XPC: variants seen among roughly 807,000 people sequenced by gnomAD.
XPC encodes the protein XPC complex subunit, DNA damage recognition and repair factor.
In XPC, 76 loss-of-function variants were observed where a neutral mutation model predicts 95.8. That is an observed-to-expected ratio of 0.79 (90% CI 0.66 to 0.96). XPC has a LOEUF of 0.96. Ranked by LOEUF, XPC falls within the 40% of genes least tolerant of loss-of-function variation. The probability of loss-of-function intolerance (pLI) is 0.00; values close to 1 mark genes in which losing one functional copy is unlikely to be tolerated. For synonymous variants in XPC, 442 were observed against 442.1 expected (o/e 1.00, Z 0.00); for missense variants, 1,146 against 1,179.8 (o/e 0.97, Z 0.42).
chr3:14,166,394 C>T (rs1401418118), intron 5 of XPC, among the ~76,000 whole-genome samples: 5 of 152,114 alleles, frequency 3.3e-5, no homozygotes, highest in Admixed American at 2.0e-4. Flanking sequence ...AACCTCGTCA[C>T]CATCCTTGCA....
In XPC at chr3:14,148,843, ACTC is replaced by A. The variant is rs776958968; in HGVS notation, c.2218_2220del (p.Glu740del). The A allele has an allele frequency of 1.9e-6, 3 of 1,613,600 alleles. No homozygotes were observed. The East Asian group carries it at 6.7e-5, about 36-fold the overall frequency. On this transcript the variant is annotated inframe_deletion, in exon 12 of 16. Coordinates refer to ENST00000285021, the MANE Select transcript of XPC (RefSeq NM_004628.5). ...CCGTCCACGGCCACTGGGGGCTGAT[ACTC>A]CTCTGTCTGCCAGTAGCCAAACAGG...
intron 15 of XPC, among the ~76,000 whole-genome samples, chr3:14,146,769 C>T (rs192751703): frequency 2.6e-5 from 4 of 152,352 alleles, no homozygotes; most frequent in African/African-American, 9.6e-5. Context: ...TCTGCTGTGT[C>T]TGACACAGCA....
At chr3:14,156,668 C>T (rs1695924370) in intron 9 of XPC, among the ~76,000 whole-genome samples, 173 bp from the exon 10 acceptor site, 1 of 152,202 alleles carries the variant, frequency 6.6e-6, no homozygotes, top group Non-Finnish European at 1.5e-5. Context: ...AAGTCAGTTA[C>T]AGATCAATCA....
chr3:14,174,003 C>T (rs1450396063), intron 1 of XPC, among the ~76,000 whole-genome samples: 2 of 152,026 alleles, frequency 1.3e-5, no homozygotes, highest in African/African-American at 4.8e-5. Context: ...CTTGCTGACT[C>T]TCTGGATGGG....
intron 1 of XPC, among the ~76,000 whole-genome samples, chr3:14,176,518 C>T (rs1258634663): frequency 6.6e-6 from 1 of 152,208 alleles, no homozygotes; most frequent in East Asian, 1.9e-4. Flanking sequence ...ATATGTTTAT[C>T]TCTCATGTCA....
rs1456384311 is a variant in XPC, at chr3:14,145,499, G to C, written c.*442C>G. The C allele has an allele frequency of 1.4e-6, 1 of 698,216 alleles. No homozygotes were observed. The highest frequency in any genetic ancestry group is 2.6e-6 in the Non-Finnish European group (1 of 383,122). The allele number at this position is 698,216 out of a possible 1,614,324, so 43.3% of individuals were successfully genotyped here. On this transcript the variant is annotated 3_prime_UTR_variant, in exon 16 of 16. Transcript: ENST00000285021. Reference sequence around the variant, plus strand: ...AAATGGTCCTAGGTCCGCAACCGAGGCGAGTGAACTTGTCGGACAGATGAA... The same window carrying C: ...AAATGGTCCTAGGTCCGCAACCGAGCCGAGTGAACTTGTCGGACAGATGAA...
intron 4 of XPC, 80 bp from the exon 5 acceptor site, chr3:14,167,333 T>C: frequency 8.0e-7 from 1 of 1,251,352 alleles, no homozygotes; most frequent in South Asian, 1.4e-5. Context: ...TTCCTTCTCC[T>C]CGGATGACAG....
chr3:14,146,181 G>A (rs1367052429), intron 15 of XPC, 22 bp from the exon 16 acceptor site: 1 of 1,588,140 alleles, frequency 6.3e-7, no homozygotes, highest in East Asian at 2.3e-5. Context: ...GCAGTGGTGG[G>A]AGGACACAGG....
intron 4 of XPC, 42 bp from the exon 5 acceptor site, chr3:14,167,295 T>G (rs775821286): frequency 1.2e-5 from 19 of 1,554,120 alleles, no homozygotes; most frequent in Non-Finnish European, 1.6e-5. Flanking sequence ...AGGGGGGAAC[T>G]GAAACCAGAC....
chr3:14,165,674 G>A, intron 5 of XPC, 89 bp from the exon 6 acceptor site: 1 of 1,478,148 alleles, frequency 6.8e-7, no homozygotes, highest in South Asian at 1.2e-5. Context: ...ACATGCTGTG[G>A]ACAAGAAATA....
In XPC at chr3:14,178,525, T is replaced by TCG. The variant is rs2125053499; in HGVS notation, c.42_43dup (p.Glu15AlafsTer65). ...GGCCTTGGATTTCTGGCTGCGCAGT[T>TCG]CGCGTCCCCGCGGCTCCCCGCCGGC... On this transcript the variant is annotated frameshift_variant, in exon 1 of 16. Transcript: ENST00000285021. LOFTEE classifies it high-confidence loss of function. The TCG allele has an allele frequency of 6.2e-7, 1 of 1,612,934 alleles. No individual in the cohort carries two copies. The highest frequency in any genetic ancestry group is 8.5e-7 in the Non-Finnish European group (1 of 1,179,568).
rs374890557 is a variant in XPC, at chr3:14,165,588, G to C, written c.622-3C>G. ...GCTAGCAGGCAGAGAAGGTGAACCT[G>C]TGAAGAGGAAAGGAGGAAGGGGCAG... On this transcript the variant is annotated splice_region_variant and splice_polypyrimidine_tract_variant and intron_variant, in intron 5 of 15. Transcript: ENST00000285021. 3 of 1,613,128 alleles carry C rather than the reference G, an allele frequency of 1.9e-6. No homozygotes were observed. Among genetic ancestry groups the C allele is most frequent in the African/African-American group, 1.3e-5 (1 of 74,912 alleles).
intron 11 of XPC, among the ~76,000 whole-genome samples, chr3:14,150,159 T>G (rs1441111024): frequency 1.3e-5 from 2 of 152,224 alleles, no homozygotes; most frequent in Non-Finnish European, 2.9e-5. Context: ...GGCCAAGATC[T>G]TCCCTGGGGA....
At chr3:14,148,778 C>T (rs766354973) in intron 12 of XPC, 36 bp downstream of exon 12, 4 of 1,613,328 alleles carry the variant, frequency 2.5e-6, no homozygotes, top group African/African-American at 1.3e-5. Flanking sequence ...GGGAACAAGG[C>T]GGCCTGGTCC....
chr3:14,172,838 C>T (rs1247187233), intron 2 of XPC, 29 bp downstream of exon 2: 1 of 1,597,440 alleles, frequency 6.3e-7, no homozygotes, highest in Admixed American at 1.7e-5. Flanking sequence ...AAAATCAAGA[C>T]CCGAGACAAA....
chr3:14,168,505 C>T, intron 3 of XPC, 125 bp from the exon 4 acceptor site: 1 of 1,190,962 alleles, frequency 8.4e-7, no homozygotes, highest in East Asian at 2.6e-5. Context: ...AGACAGCCCA[C>T]AGAGACCCCT....
At chr3:14,147,591 C>T (rs1695492210) in intron 14 of XPC, 2 of 615,062 alleles carry the variant, frequency 3.3e-6, no homozygotes, top group South Asian at 2.1e-5. Context: ...ACTTTTTAAT[C>T]GTTACTGACT....
At position 14,178,577 on chromosome 3, in the gene XPC, T is replaced by C. The variant is rs374118292; in HGVS notation, c.-9A>G. 8.1e-6 allele frequency: 13 copies of C among 1,612,580 alleles called. No individual in the cohort carries two copies. Among genetic ancestry groups the C allele is most frequent in the East Asian group, 4.5e-5 (2 of 44,866 alleles). On this transcript the variant is annotated 5_prime_UTR_variant, in exon 1 of 16. Transcript: ENST00000285021. ...GCGCGTTTCCGAGCCATGTTGCTTG[T>C]CTGGGCAAATTCCACTTCGCGAGTG...
chr3:14,156,005 A>T (rs1480916870), intron 10 of XPC, among the ~76,000 whole-genome samples: 1 of 152,130 alleles, frequency 6.6e-6, no homozygotes, highest in African/African-American at 2.4e-5. Flanking sequence ...TAACTTTCAT[A>T]ATCAAATCCT....
Sources: gnomAD v4.1 joint callset for allele counts (sites outside exome capture counted in the v4.1 genomes callset) on GRCh38, gnomAD v4.1.1 for gene constraint, MANE v1.5 for transcripts, NCBI Gene and HGNC (gene_info 2026-07-23, HGNC 2026-07-21) for gene names.